Variants in PLXNA4 observed in about 807,000 individuals in gnomAD.
PLXNA4 encodes the protein plexin-A4.
In PLXNA4, 44 loss-of-function variants were observed where a neutral mutation model predicts 191.8. That is an observed-to-expected ratio of 0.23 (90% CI 0.18 to 0.29). PLXNA4 has a LOEUF of 0.29. Ranked by LOEUF, PLXNA4 falls within the 10% of genes least tolerant of loss-of-function variation. The pLI is 1.00. For missense variants in PLXNA4, 1,800 were observed against 2,488.8 expected (o/e 0.72, Z 5.89); for synonymous variants, 1,082 against 1,009.5 (o/e 1.07, Z -1.36).
At chr7:132,370,626 G>C (rs181432760) in intron 3 of PLXNA4, among the ~76,000 whole-genome samples, 1 of 152,236 alleles carries the variant, frequency 6.6e-6, no homozygotes, top group Non-Finnish European at 1.5e-5. Flanking sequence ...TTGTGTGCCT[G>C]TGTATGTGTG....
At chr7:132,317,606 G>A (rs1272386075) in intron 3 of PLXNA4, among the ~76,000 whole-genome samples, 1 of 152,206 alleles carries the variant, frequency 6.6e-6, no homozygotes, top group Non-Finnish European at 1.5e-5. Context: ...ACTGAACTGG[G>A]TTGGATTTAC....
At chr7:132,584,683 T>C (rs1039785055) in intron 2 of PLXNA4, among the ~76,000 whole-genome samples, 6 of 152,220 alleles carry the variant, frequency 3.9e-5, no homozygotes, top group African/African-American at 7.2e-5. Context: ...ACATAGGACA[T>C]TTTGGAAGGA....
At chr7:132,565,189 C>T (rs1405205873) in intron 1 of PLXNA4, among the ~76,000 whole-genome samples, 1 of 152,192 alleles carries the variant, frequency 6.6e-6, no homozygotes, top group East Asian at 1.9e-4. Flanking sequence ...TTCATCCTCA[C>T]CTCCTGGGCT....
chr7:132,228,758 C>T (rs1386380008), intron 5 of PLXNA4, among the ~76,000 whole-genome samples: 1 of 152,228 alleles, frequency 6.6e-6, no homozygotes, highest in East Asian at 1.9e-4. Flanking sequence ...TCTGTCTATT[C>T]ACCCTCTCTG....
intron 2 of PLXNA4, 24 bp from the exon 3 acceptor site, chr7:132,489,498 AT>A (rs1362800625): frequency 6.6e-7 from 1 of 1,523,362 alleles, no homozygotes; most frequent in East Asian, 2.3e-5. Flanking sequence ...AAAGAGAAAA[AT>A]TAGAAGGGAG....
In PLXNA4 at chr7:132,638,529, G is replaced by A. The variant is rs184809985; in HGVS notation, c.-87+7399C>T. 2.3e-3 allele frequency among the ~76,000 whole-genome samples: 348 copies of A among 152,258 alleles called. 2 individuals are homozygous for A. The highest frequency in any genetic ancestry group is 2.8e-3 in the Non-Finnish European group (192 of 68,012). On this transcript the variant is annotated intron_variant, in intron 2 of 4. Coordinates refer to the PLXNA4 transcript ENST00000378539. Reference sequence around the variant, plus strand: ...TAACTGGGCGTGATGGTGTGTGCCTGTAATCCCAGCTACTCTGGAGGCTAA... The same window carrying A: ...TAACTGGGCGTGATGGTGTGTGCCTATAATCCCAGCTACTCTGGAGGCTAA...
At chr7:132,336,564 G>C (rs1001567689) in intron 3 of PLXNA4, among the ~76,000 whole-genome samples, 2 of 152,154 alleles carry the variant, frequency 1.3e-5, no homozygotes, top group Non-Finnish European at 2.9e-5. Context: ...CAAAAGAGAT[G>C]GGGAAGGAGC....
chr7:132,236,738 C>A (rs1390226609), intron 5 of PLXNA4, among the ~76,000 whole-genome samples: 2 of 152,102 alleles, frequency 1.3e-5, no homozygotes, highest in Non-Finnish European at 2.9e-5. Context: ...TCCTTGGAAG[C>A]AATTAAACCT....
intron 3 of PLXNA4, among the ~76,000 whole-genome samples, chr7:132,391,980 T>C (rs1793510095): frequency 1.3e-5 from 2 of 151,966 alleles, no homozygotes; most frequent in Admixed American, 1.3e-4. Flanking sequence ...TATGAAGCAT[T>C]AGCCAGGCAC....
chr7:132,294,333 C>T (rs1017616424), intron 4 of PLXNA4, among the ~76,000 whole-genome samples: 2 of 152,206 alleles, frequency 1.3e-5, no homozygotes, highest in Non-Finnish European at 2.9e-5. Context: ...CACTCTCTCC[C>T]GCCCTGGCCC....
At chr7:132,409,157 A>T (rs943071282) in intron 3 of PLXNA4, among the ~76,000 whole-genome samples, 1 of 152,154 alleles carries the variant, frequency 6.6e-6, no homozygotes, top group Non-Finnish European at 1.5e-5. Flanking sequence ...GGAGCCAAAC[A>T]TCCAAATTAA....
intron 2 of PLXNA4, among the ~76,000 whole-genome samples, chr7:132,628,233 G>A (rs1233774353): frequency 6.6e-6 from 1 of 152,136 alleles, no homozygotes; most frequent in Admixed American, 6.5e-5. Context: ...AGCATTTTCT[G>A]TCAGAATTCT....
At chr7:132,440,203 C>G (rs1285712733) in intron 3 of PLXNA4, among the ~76,000 whole-genome samples, 2 of 152,220 alleles carry the variant, frequency 1.3e-5, no homozygotes, top group Non-Finnish European at 2.9e-5. Flanking sequence ...TACCCTCCCC[C>G]TGCCTTGCAC....
In PLXNA4 at chr7:132,521,870, A is replaced by T. The variant is rs116181416; in HGVS notation, c.-86-13091T>A. ...GACATAACAGATTCCCTCCCCTGGCACCCCTATGACTTGGTCATGCCCTCT... is the reference window on the plus strand; with the variant it reads ...GACATAACAGATTCCCTCCCCTGGCTCCCCTATGACTTGGTCATGCCCTCT... On this transcript the variant is annotated intron_variant, in intron 1 of 31. Coordinates refer to ENST00000321063, the MANE Select transcript of PLXNA4 (RefSeq NM_020911.2). 6.7e-3 allele frequency among the ~76,000 whole-genome samples: 1,014 copies of T among 152,234 alleles called. 13 individuals carry two copies. Among genetic ancestry groups the T allele is most frequent in the African/African-American group, 0.023 (964 of 41,546 alleles).
intron 3 of PLXNA4, among the ~76,000 whole-genome samples, chr7:132,420,883 T>G (rs1003161556): frequency 1.3e-5 from 2 of 152,236 alleles, no homozygotes; most frequent in Non-Finnish European, 2.9e-5. Context: ...CCATGTGAGA[T>G]GTGCCTTTCA....
chr7:132,533,766 C>A (rs1421827417), intron 1 of PLXNA4, among the ~76,000 whole-genome samples: 1 of 152,148 alleles, frequency 6.6e-6, no homozygotes, highest in Admixed American at 6.5e-5. Context: ...CCTCCCTTCA[C>A]CGCCCATCTT....
chr7:132,250,347 T>G (rs567445716), intron 4 of PLXNA4, among the ~76,000 whole-genome samples: 2 of 152,352 alleles, frequency 1.3e-5, no homozygotes, highest in Admixed American at 6.5e-5. Flanking sequence ...AGTGAATGAA[T>G]GCTTGCATGC....
At chr7:132,285,508 A>C (rs2116425520) in intron 4 of PLXNA4, among the ~76,000 whole-genome samples, 1 of 152,322 alleles carries the variant, frequency 6.6e-6, no homozygotes, top group Non-Finnish European at 1.5e-5. Context: ...TCAGTTTCAA[A>C]TTGATGTCTC....
At chr7:132,502,882 C>T (rs1021460669) in intron 2 of PLXNA4, among the ~76,000 whole-genome samples, 2 of 152,152 alleles carry the variant, frequency 1.3e-5, no homozygotes, top group African/African-American at 4.8e-5. Flanking sequence ...GAGGTCTCTG[C>T]CCTCTGCTCC....
Sources: allele counts gnomAD v4.1 joint callset (sites outside exome capture counted in the v4.1 genomes callset), GRCh38; gene constraint gnomAD v4.1.1; transcripts MANE v1.5; gene names NCBI Gene and HGNC (gene_info 2026-07-23, HGNC 2026-07-21).